The following DEAF1 variants were observed in gnomAD, a reference collection of about 807,000 sequenced individuals.
DEAF1 encodes DEAF1 transcription factor.
In DEAF1, 53 loss-of-function variants were observed where a neutral mutation model predicts 58.9. The observed-to-expected ratio is 0.90, with a 90% CI of 0.72 to 1.13. DEAF1 has a LOEUF of 1.13. Among genes scored for constraint, DEAF1 ranks in the 50% most tolerant of loss-of-function variants. The pLI is 0.00. For missense variants in DEAF1, 685 were observed against 791.4 expected, an observed-to-expected ratio of 0.87 and a Z score of 1.61; for synonymous variants, 385 against 340.4, an observed-to-expected ratio of 1.13 and a Z score of -1.44.
intron 11 of DEAF1, among the ~76,000 whole-genome samples, chr11:652,813 T>G (rs1401926918): frequency 6.6e-6 from 1 of 151,766 alleles, no homozygotes; most frequent in African/African-American, 2.4e-5. Flanking sequence ...CTGGGAACAG[T>G]AGCTCACACC....
chr11:694,259 C>A (rs1408136098), intron 1 of DEAF1, among the ~76,000 whole-genome samples: 1 of 146,726 alleles, frequency 6.8e-6, no homozygotes, highest in East Asian at 2.0e-4. Flanking sequence ...AGGGCCAGGT[C>A]AGGTGAGGCT....
Position 674,516 on chromosome 11 carries a change from C to T in DEAF1, c.1503+20G>A. 6.2e-7 allele frequency: 1 copy of T among 1,613,638 alleles called. No individual in the cohort carries two copies. Among genetic ancestry groups the T allele is most frequent in the Non-Finnish European group, 8.5e-7 (1 of 1,180,002 alleles). The stretch of plus-strand genomic sequence containing the variant: ...GGTTACTCGGCACAGGTCGTGTCTT[C>T]CCATTTGTTCCAAGGTTACCTCCTT... On this transcript the variant is annotated intron_variant, in intron 10 of 11. Coordinates refer to ENST00000382409, the MANE Select transcript of DEAF1 (RefSeq NM_021008.4).
At chr11:648,664 T>C (rs1256860261) in intron 11 of DEAF1, among the ~76,000 whole-genome samples, 1 of 152,172 alleles carries the variant, frequency 6.6e-6, no homozygotes, top group Non-Finnish European at 1.5e-5. Context: ...TTGCCAGGAA[T>C]GTATACACTC....
upstream of DEAF1, chr11:698,954 C>T: frequency 6.3e-7 from 1 of 1,595,262 alleles, no homozygotes; most frequent in South Asian, 1.1e-5. Context: ...ACAGAGAGCA[C>T]TCGGCCTCAC....
intron 11 of DEAF1, among the ~76,000 whole-genome samples, chr11:649,485 C>T (rs1391007178): frequency 6.6e-6 from 1 of 150,840 alleles, no homozygotes; most frequent in African/African-American, 2.4e-5. Flanking sequence ...TTTGGGAGGC[C>T]GAGGCGGGCG....
intron 10 of DEAF1, among the ~76,000 whole-genome samples, chr11:672,423 G>A (rs1343573989): frequency 1.3e-5 from 2 of 151,808 alleles, no homozygotes; most frequent in African/African-American, 2.4e-5. Context: ...TGCTTGTCTA[G>A]TAGAATCCGT....
chr11:701,928 C>T (rs1486773821), intron 1 of DEAF1, among the ~76,000 whole-genome samples: 1 of 152,248 alleles, frequency 6.6e-6, no homozygotes, highest in African/African-American at 2.4e-5. Flanking sequence ...GGGGTGCAGA[C>T]TTCCAGCCCT....
intron 10 of DEAF1, among the ~76,000 whole-genome samples, chr11:656,744 TC>T (rs1402487893): frequency 2.0e-5 from 3 of 152,224 alleles, no homozygotes; most frequent in African/African-American, 7.2e-5. Context: ...CCAGCATAGT[TC>T]CTGGAGGACA....
chr11:691,798 AGAGAG>A (rs1860846612), intron 1 of DEAF1, among the ~76,000 whole-genome samples, 200 bp from the exon 2 acceptor site: 1 of 152,182 alleles, frequency 6.6e-6, no homozygotes, highest in Admixed American at 6.5e-5. Context: ...TCCAGGAAAA[AGAGAG>A]GAAATCTATT....
At chr11:701,184 G>C (rs1861444465) in intron 1 of DEAF1, 1 of 182,114 alleles carries the variant, frequency 5.5e-6, no homozygotes, top group South Asian at 1.1e-4. Flanking sequence ...CCCTTCCAGT[G>C]ACCTACTTTT....
chr11:651,676 G>A (rs1250200902), intron 11 of DEAF1, among the ~76,000 whole-genome samples: 2 of 152,184 alleles, frequency 1.3e-5, no homozygotes, highest in Non-Finnish European at 2.9e-5. Context: ...CACAAGGTCA[G>A]GAGATCGAGA....
chr11:694,958 C>T lies in DEAF1; in HGVS notation c.90G>A (p.Ala30=). The T allele has an allele frequency of 1.7e-6, 2 of 1,168,944 alleles. No homozygotes were observed. Among genetic ancestry groups the T allele is most frequent in the Non-Finnish European group, 1.1e-6 (1 of 948,872 alleles). 72.4% of individuals were successfully genotyped at this position (1,168,944 alleles called of 1,614,324 possible). The change falls in exon 1 of 12, where the codon GCG becomes GCA. Residue 30 remains alanine (A), a synonymous_variant. Coordinates refer to ENST00000382409, the MANE Select transcript of DEAF1 (RefSeq NM_021008.4). ...AAAAAVAAAA[A]AAAGGEAEEP... is the part of the protein sequence containing the mutation. ...CCTCCGCCTCGCCTCCTGCCGCGGCCGCGGCCGCCGCCGCCACAGCGGCCG... is the reference window on the plus strand; with the variant it reads ...CCTCCGCCTCGCCTCCTGCCGCGGCTGCGGCCGCCGCCGCCACAGCGGCCG...
chr11:663,702 T>C (rs894793987), intron 10 of DEAF1, among the ~76,000 whole-genome samples: 2 of 150,710 alleles, frequency 1.3e-5, no homozygotes, highest in African/African-American at 4.9e-5. Flanking sequence ...CTGAAGTGAA[T>C]ATCAGGCTTT....
intron 10 of DEAF1, among the ~76,000 whole-genome samples, chr11:663,509 T>C (rs1859402821): frequency 6.6e-6 from 1 of 152,112 alleles, no homozygotes; most frequent in African/African-American, 2.4e-5. Context: ...CTCCATCTCC[T>C]CAGCAACTGC....
chr11:702,850 C>G (rs768705958), intron 1 of DEAF1: 1 of 1,241,236 alleles, frequency 8.1e-7, no homozygotes, highest in Non-Finnish European at 1.1e-6. Flanking sequence ...GGGCAAGGAG[C>G]TGCTCTGGTC....
chr11:698,135 A>T (rs1861283221), upstream of DEAF1: 1 of 152,950 alleles, frequency 6.5e-6, no homozygotes, highest in Admixed American at 6.5e-5. Flanking sequence ...ACATGGAGGG[A>T]CGTGCACATA....
chr11:660,910 G>A (rs955784873), intron 10 of DEAF1, among the ~76,000 whole-genome samples: 5 of 152,170 alleles, frequency 3.3e-5, no homozygotes, highest in African/African-American at 1.2e-4. Context: ...AGAGGCCCCC[G>A]CAGGGAAGCG....
chr11:680,500 C>T (rs2133382536), intron 7 of DEAF1, among the ~76,000 whole-genome samples: 1 of 152,194 alleles, frequency 6.6e-6, no homozygotes, highest in Admixed American at 6.5e-5. Context: ...GTCCCAGCTA[C>T]TTGGGAGGCT....
At chr11:692,089 T>C (rs1181503618) in intron 1 of DEAF1, among the ~76,000 whole-genome samples, 1 of 152,060 alleles carries the variant, frequency 6.6e-6, no homozygotes, top group Non-Finnish European at 1.5e-5. Flanking sequence ...GGCCCCATGC[T>C]CACAGCCATT....
Sources: gnomAD v4.1 joint callset for allele counts (sites outside exome capture counted in the v4.1 genomes callset) on GRCh38, gnomAD v4.1.1 for gene constraint, MANE v1.5 for transcripts, NCBI Gene and HGNC (gene_info 2026-07-23, HGNC 2026-07-21) for gene names.